The following MRPS28 variants were observed in gnomAD, a reference collection of about 807,000 sequenced individuals.
MRPS28 encodes small ribosomal subunit protein bS1m.
MRPS28 carries 7 observed loss-of-function variants against 10.8 expected under a neutral mutation model. That is an observed-to-expected ratio of 0.65 (90% CI 0.37 to 1.22). The LOEUF (loss-of-function observed/expected upper bound fraction) is 1.22, where lower values mean the gene tolerates loss of function less well. Ranked by LOEUF, MRPS28 falls within the 50% of genes most tolerant of loss-of-function variation. The pLI, the probability that MRPS28 is intolerant of heterozygous loss-of-function variation, is 0.02. For missense variants in MRPS28, 265 were observed against 232.9 expected, an observed-to-expected ratio of 1.14 and a Z score of -0.90; for synonymous variants, 121 against 93.3, an observed-to-expected ratio of 1.30 and a Z score of -1.71.
At chr8:79,991,468 A>G (rs2130122133) in intron 2 of MRPS28, among the ~76,000 whole-genome samples, 1 of 152,322 alleles carries the variant, frequency 6.6e-6, no homozygotes, top group Non-Finnish European at 1.5e-5. Context: ...AGTTGACTCA[A>G]TGTATGGATA....
rs575555706 is a variant in MRPS28, at chr8:79,921,956, C to T, written c.396-2808G>A. On this transcript the variant is annotated intron_variant, in intron 2 of 2. Transcript: ENST00000276585. ...GCTCTTATTATTTTGAGATACGTCC[C>T]ATCAATACCTAATTTATTGAGAGTT... is the stretch of plus-strand genomic sequence containing the variant. 1.3e-3 allele frequency among the ~76,000 whole-genome samples: 203 copies of T among 152,264 alleles called. 1 individual carries two copies. Among genetic ancestry groups the T allele is most frequent in the African/African-American group, 4.7e-3 (194 of 41,548 alleles).
rs1554575874 is a variant in MRPS28, at chr8:80,028,645, C to CGGGCGGGGGCGGGGG, written c.213+1390_213+1391insCCCCCGCCCCCGCCC. ...TCACAGGGATCTCAAAAGCAGAAGA[C>CGGGCGGGGGCGGGGG]GGGCGGGGGGGGCGGGGCCGGGCGG... On this transcript the variant is annotated intron_variant, in intron 1 of 2. Transcript: ENST00000276585. 4 of 3,332 alleles carry CGGGCGGGGGCGGGGG rather than the reference C, an allele frequency of 1.2e-3. 2 individuals are homozygous for CGGGCGGGGGCGGGGG. The highest frequency in any genetic ancestry group is 2.1e-3 in the Non-Finnish European group (4 of 1,944). The allele number at this position is 3,332 out of a possible 1,614,324, so 0.2% of individuals were successfully genotyped here. A position where few individuals can be genotyped will look rare whatever the true frequency, so the allele number is the denominator to read the frequency against.
At chr8:79,999,494 C>A (rs566785876) in intron 2 of MRPS28, among the ~76,000 whole-genome samples, 8 of 152,252 alleles carry the variant, frequency 5.3e-5, no homozygotes, top group African/African-American at 1.9e-4. Context: ...CTATAAGAAA[C>A]CTAGAGAAGG....
intron 2 of MRPS28, among the ~76,000 whole-genome samples, chr8:79,983,177 C>T (rs903698271): frequency 2.0e-5 from 3 of 152,094 alleles, no homozygotes; most frequent in African/African-American, 7.2e-5. Context: ...CTGGAGTGGA[C>T]CTCTAGCAAA....
At chr8:80,024,704 T>C (rs1167709859) in intron 1 of MRPS28, among the ~76,000 whole-genome samples, 3 of 152,348 alleles carry the variant, frequency 2.0e-5, no homozygotes, top group Admixed American at 6.5e-5. Flanking sequence ...TGTTTAAATT[T>C]CATTCCAACT....
chr8:79,919,388 G>A (rs548103238), intron 2 of MRPS28, among the ~76,000 whole-genome samples: 1 of 150,670 alleles, frequency 6.6e-6, no homozygotes, highest in African/African-American at 2.4e-5. Flanking sequence ...TTACCCAGGC[G>A]GGAGTACAGT....
intron 1 of MRPS28, among the ~76,000 whole-genome samples, chr8:80,008,430 A>C (rs1808929014): frequency 2.6e-5 from 4 of 152,220 alleles, no homozygotes; most frequent in Admixed American, 2.6e-4. Flanking sequence ...AATGGGATCT[A>C]ATTAAACTAA....
intron 1 of MRPS28, among the ~76,000 whole-genome samples, chr8:80,028,039 G>A (rs1809534748): frequency 6.6e-6 from 1 of 152,098 alleles, no homozygotes; most frequent in Admixed American, 6.5e-5. Flanking sequence ...GGAAAGGAAA[G>A]AGAAAAGGAA....
chr8:79,988,093 T>A (rs553211833), intron 2 of MRPS28, among the ~76,000 whole-genome samples: 9 of 151,712 alleles, frequency 5.9e-5, no homozygotes, highest in African/African-American at 2.2e-4. Context: ...TATGCAGCCA[T>A]AAAAAATGAT....
At chr8:79,929,210 G>A (rs1806392864) in intron 2 of MRPS28, among the ~76,000 whole-genome samples, 1 of 152,224 alleles carries the variant, frequency 6.6e-6, no homozygotes, top group South Asian at 2.1e-4. Context: ...CTTCATGTGA[G>A]AAGGTGGTTT....
chr8:79,918,835 A>G lies in MRPS28; in HGVS notation c.*145T>C. On this transcript the variant is annotated 3_prime_UTR_variant, in exon 3 of 3. Transcript: ENST00000276585. Reference sequence around the variant, plus strand: ...AGGGGTGGGGGGTGGGAATATTGCTAAAGAAAATTCTAATAAGAGTTATCT... The same window carrying G: ...AGGGGTGGGGGGTGGGAATATTGCTGAAGAAAATTCTAATAAGAGTTATCT... 1 of 550,528 alleles carries G rather than the reference A, an allele frequency of 1.8e-6. No homozygotes were observed. Among genetic ancestry groups the G allele is most frequent in the Non-Finnish European group, 2.8e-6 (1 of 357,204 alleles). 34.1% of individuals were successfully genotyped at this position (550,528 alleles called of 1,614,324 possible). A position where few individuals can be genotyped will look rare whatever the true frequency, so the allele number is the denominator to read the frequency against.
chr8:80,013,815 T>C (rs1809124256), intron 1 of MRPS28, among the ~76,000 whole-genome samples: 1 of 152,100 alleles, frequency 6.6e-6, no homozygotes, highest in African/African-American at 2.4e-5. Context: ...TCTTTAACAC[T>C]AACCAATAAA....
chr8:80,021,819 G>GC (rs1213061255), intron 1 of MRPS28, among the ~76,000 whole-genome samples: 1 of 152,146 alleles, frequency 6.6e-6, no homozygotes, highest in Non-Finnish European at 1.5e-5. Context: ...AGATTCACAT[G>GC]CAATTGTAAC....
chr8:79,964,345 T>G (rs917596194), intron 2 of MRPS28, among the ~76,000 whole-genome samples: 1 of 152,110 alleles, frequency 6.6e-6, no homozygotes, highest in Non-Finnish European at 1.5e-5. Context: ...AAGCCAGGGA[T>G]AAAATAAAAT....
At chr8:80,007,468 G>C (rs536558752) in intron 1 of MRPS28, among the ~76,000 whole-genome samples, 26 of 152,278 alleles carry the variant, frequency 1.7e-4, no homozygotes, top group African/African-American at 3.1e-4. Flanking sequence ...ATTAGGAAAA[G>C]AGGAAGTCAA....
intron 1 of MRPS28, among the ~76,000 whole-genome samples, chr8:80,006,560 T>C (rs1294001782): frequency 1.3e-5 from 2 of 151,988 alleles, no homozygotes; most frequent in Non-Finnish European, 2.9e-5. Flanking sequence ...AAGAATCACA[T>C]AGACGCAATA....
rs372667682 is a variant in MRPS28, at chr8:80,011,477, G to A, written c.214-8297C>T. The stretch of plus-strand genomic sequence containing the variant: ...AATTAAAACTAAATGACAGGGGCTA[G>A]GCATTGTGGCTCACGCCTGTGATCC... On this transcript the variant is annotated intron_variant, in intron 1 of 2. Coordinates refer to ENST00000276585, the MANE Select transcript of MRPS28 (RefSeq NM_014018.3). Among the ~76,000 whole-genome samples the A allele has an allele frequency of 2.4e-4, 37 of 151,606 alleles. No homozygotes were observed. In the South Asian group the frequency reaches 7.7e-3, roughly 32 times the overall value.
intron 1 of MRPS28, among the ~76,000 whole-genome samples, chr8:80,028,453 T>C (rs769411006): frequency 1.3e-5 from 2 of 151,896 alleles, no homozygotes; most frequent in South Asian, 2.1e-4. Context: ...TCTCCATATA[T>C]GGTAGAAAGA....
At chr8:79,942,986 GAATC>G (rs1806810307) in intron 2 of MRPS28, among the ~76,000 whole-genome samples, 1 of 152,174 alleles carries the variant, frequency 6.6e-6, no homozygotes, top group African/African-American at 2.4e-5. Flanking sequence ...TGTTTAGGAG[GAATC>G]AATCATTGTA....
Sources: allele counts gnomAD v4.1 joint callset (sites outside exome capture counted in the v4.1 genomes callset), GRCh38; gene constraint gnomAD v4.1.1; transcripts MANE v1.5; gene names NCBI Gene and HGNC (gene_info 2026-07-23, HGNC 2026-07-21).